Variants in ZFR observed in about 807,000 individuals in gnomAD.
The protein encoded by ZFR is zinc finger RNA-binding protein.
In ZFR, 19 loss-of-function variants were observed where a neutral mutation model predicts 130.7. The ratio of observed to expected loss-of-function variants is 0.15; its 90% CI spans 0.10 to 0.21. The LOEUF (loss-of-function observed/expected upper bound fraction) is 0.21, where lower values mean the gene tolerates loss of function less well. Ranked by LOEUF, ZFR falls within the 10% of genes least tolerant of loss-of-function variation. The pLI, the probability that ZFR is intolerant of heterozygous loss-of-function variation, is 1.00. For missense variants in ZFR, 872 were observed against 1,321.5 expected (o/e 0.66, Z 5.27); for synonymous variants, 466 against 456.9 (o/e 1.02, Z -0.25).
At chr5:32,435,433 A>G (rs183319504) in intron 2 of ZFR, among the ~76,000 whole-genome samples, 2 of 152,208 alleles carry the variant, frequency 1.3e-5, no homozygotes, top group Admixed American at 1.3e-4. Context: ...AGACTTCTAA[A>G]TATAAAACTA....
intron 3 of ZFR, among the ~76,000 whole-genome samples, chr5:32,418,104 C>CA (rs1444745224): frequency 3.3e-5 from 5 of 151,746 alleles, no homozygotes; most frequent in African/African-American, 9.7e-5. Context: ...ACTAAAAATA[C>CA]AAAAAATTAG....
Position 32,387,639 on chromosome 5 carries a change from A to G in ZFR, c.2409T>C (p.Asp803=), listed in dbSNP as rs139829918. 1.1e-3 allele frequency: 1,853 copies of G among 1,613,722 alleles called. 17 individuals are homozygous for G. The highest frequency in any genetic ancestry group is 9.9e-3 in the South Asian group (897 of 91,008). Residue 803 remains aspartate (D), a synonymous_variant, in exon 14 of 20, where the codon GAT becomes GAC. Coordinates refer to ENST00000265069, the MANE Select transcript of ZFR (RefSeq NM_016107.5). ...VLAKGLLLRG[D]RNVNLVLLCS... ...ACAGCAAAACAAGGTTGACATTTCTATCTCCTCGGAGAAGTAATCCTTTTG... is the reference window on the plus strand; with the variant it reads ...ACAGCAAAACAAGGTTGACATTTCTGTCTCCTCGGAGAAGTAATCCTTTTG...
intron 2 of ZFR, among the ~76,000 whole-genome samples, chr5:32,423,392 A>G (rs934158149): frequency 1.3e-5 from 2 of 152,042 alleles, no homozygotes; most frequent in East Asian, 3.9e-4. Flanking sequence ...ACAAATCACC[A>G]CATGTCTGAA....
intron 2 of ZFR, among the ~76,000 whole-genome samples, chr5:32,430,167 T>A (rs534887665): frequency 4.1e-4 from 60 of 147,962 alleles, no homozygotes; most frequent in African/African-American, 7.0e-4. Flanking sequence ...AAGAAAAAAA[T>A]TTTTTTGAGA....
chr5:32,373,801 G>A (rs927470523), intron 17 of ZFR, among the ~76,000 whole-genome samples: 1 of 152,048 alleles, frequency 6.6e-6, no homozygotes, highest in African/African-American at 2.4e-5. Flanking sequence ...TAATGTATTT[G>A]TTGTTATATG....
intron 2 of ZFR, among the ~76,000 whole-genome samples, chr5:32,442,632 T>C (rs531654339): frequency 6.6e-6 from 1 of 152,370 alleles, no homozygotes; most frequent in Admixed American, 6.5e-5. Context: ...ATTCAACAAT[T>C]AGTAAAATCT....
At chr5:32,376,418 G>A (rs895981974) in intron 17 of ZFR, among the ~76,000 whole-genome samples, 7 of 151,890 alleles carry the variant, frequency 4.6e-5, no homozygotes, top group East Asian at 1.9e-4. Context: ...AGGCCAAGGC[G>A]GGTGGATCAC....
At chr5:32,398,530 T>C (rs1306417258) in intron 9 of ZFR, among the ~76,000 whole-genome samples, 1 of 152,214 alleles carries the variant, frequency 6.6e-6, no homozygotes, top group Non-Finnish European at 1.5e-5. Flanking sequence ...AAAAATTGGG[T>C]GTTCTGGTTG....
intron 2 of ZFR, among the ~76,000 whole-genome samples, chr5:32,432,018 G>A (rs1754236880): frequency 1.3e-5 from 2 of 150,834 alleles, no homozygotes; most frequent in Non-Finnish European, 3.0e-5. Flanking sequence ...TGGACACAGG[G>A]TCTCACTTTG....
chr5:32,435,543 G>T (rs1754314512), intron 2 of ZFR, among the ~76,000 whole-genome samples: 1 of 152,168 alleles, frequency 6.6e-6, no homozygotes, highest in Admixed American at 6.5e-5. Flanking sequence ...AACGGTTTGG[G>T]AATGGGCAGG....
At chr5:32,368,245 C>G (rs75503834) in intron 17 of ZFR, among the ~76,000 whole-genome samples, 2 of 256 alleles carry the variant, frequency 7.8e-3, no homozygotes, top group Admixed American at 0.12. Flanking sequence ...AAACTTTTTT[C>G]CCCCCCCAAC....
At chr5:32,394,550 G>T in intron 11 of ZFR, 1 of 156,828 alleles carries the variant, frequency 6.4e-6, no homozygotes. Flanking sequence ...CAGGGCTGGG[G>T]CTGGGGGAGA....
chr5:32,441,062 C>G (rs1754462250), intron 2 of ZFR, among the ~76,000 whole-genome samples: 1 of 152,138 alleles, frequency 6.6e-6, no homozygotes, highest in African/African-American at 2.4e-5. Context: ...CAACCTCCAC[C>G]TCCCCGGTTC....
chr5:32,444,540 C>G, intron 1 of ZFR, 82 bp downstream of exon 1: 1 of 1,412,440 alleles, frequency 7.1e-7, no homozygotes, highest in African/African-American at 1.5e-5. Context: ...TCCCCGGAGC[C>G]TGCCCCAACC....
At chr5:32,376,522 T>C (rs1274367528) in intron 17 of ZFR, among the ~76,000 whole-genome samples, 1 of 151,654 alleles carries the variant, frequency 6.6e-6, no homozygotes, top group African/African-American at 2.4e-5. Flanking sequence ...GGCGCATGCC[T>C]GTAGTGTGTA....
intron 6 of ZFR, among the ~76,000 whole-genome samples, chr5:32,406,515 AAATTT>A (rs1255418622): frequency 2.6e-5 from 4 of 152,230 alleles, no homozygotes; most frequent in Non-Finnish European, 4.4e-5. Context: ...TTTTAAAACT[AAATTT>A]AAGTTTTAAA....
intron 15 of ZFR, among the ~76,000 whole-genome samples, chr5:32,382,108 C>A (rs1343582375): frequency 1.3e-5 from 2 of 152,102 alleles, no homozygotes; most frequent in African/African-American, 2.4e-5. Flanking sequence ...TCGAGACCAG[C>A]CCGGCCAACA....
chr5:32,420,087 C>A lies in ZFR; in HGVS notation c.154G>T (p.Gly52Cys). ...AAQYSQQPAS[G>C]VAYSHPTTVA... ...GTAGTTGGATGAGAATAGGCTACACCCGAAGCTGGCTGCTGGCTACATTGT... is the reference window on the plus strand; with the variant it reads ...GTAGTTGGATGAGAATAGGCTACACACGAAGCTGGCTGCTGGCTACATTGT... The change falls in exon 3 of 20, where the codon GGT (glycine) becomes TGT (cysteine). Residue 52 changes from glycine (G) to cysteine (C), a missense_variant. By Grantham distance (159) the Gly-to-Cys change is radical (BLOSUM62 -3). Around this residue, in one of 7 missense-constraint regions of ZFR, gnomAD observed 240 missense variants for 441.2 expected, o/e 0.54. Coordinates refer to ENST00000265069, the MANE Select transcript of ZFR (RefSeq NM_016107.5). 1.3e-6 allele frequency: 2 copies of A among 1,577,256 alleles called. No individual in the cohort carries two copies. Among genetic ancestry groups the A allele is most frequent in the South Asian group, 1.1e-5 (1 of 88,594 alleles).
chr5:32,444,695 C>T lies in ZFR; in HGVS notation c.-37G>A, dbSNP rs750646340. 13 of 1,502,122 alleles carry T rather than the reference C, an allele frequency of 8.7e-6. No individual in the cohort carries two copies. Among genetic ancestry groups the T allele is most frequent in the South Asian group, 1.3e-5 (1 of 78,688 alleles). 93.0% of individuals were successfully genotyped at this position (1,502,122 alleles called of 1,614,324 possible). A position where few individuals can be genotyped will look rare whatever the true frequency, so the allele number is the denominator to read the frequency against. On this transcript the variant is annotated 5_prime_UTR_variant, in exon 1 of 20. It adds an upstream start codon to the 5' untranslated region. Coordinates refer to ENST00000265069, the MANE Select transcript of ZFR (RefSeq NM_016107.5). The stretch of plus-strand genomic sequence containing the variant: ...GCTGCTGCTGAACTCTGAACTCTCA[C>T]CCGCTGCCTCCCTCCTCTGCCCCGC...
Sources: allele counts gnomAD v4.1 joint callset (sites outside exome capture counted in the v4.1 genomes callset), GRCh38; gene constraint gnomAD v4.1.1; regional missense constraint gnomAD v4.1.1; transcripts MANE v1.5; gene names NCBI Gene and HGNC (gene_info 2026-07-23, HGNC 2026-07-21).